The following GSE1 variants were observed in gnomAD, a reference collection of about 807,000 sequenced individuals.
GSE1 encodes the protein Gse1 coiled-coil protein.
GSE1 carries 32 observed loss-of-function variants against 112.6 expected under a neutral mutation model. The ratio of observed to expected loss-of-function variants is 0.28; its 90% CI spans 0.21 to 0.38. The LOEUF (loss-of-function observed/expected upper bound fraction) is 0.38, where lower values mean the gene tolerates loss of function less well. Ranked by LOEUF, GSE1 falls within the 10% of genes least tolerant of loss-of-function variation. The pLI is 1.00. For missense variants in GSE1, 2,348 were observed against 1,699.2 expected, an observed-to-expected ratio of 1.38 and a Z score of -6.71; for synonymous variants, 1,115 against 735.6, an observed-to-expected ratio of 1.52 and a Z score of -8.35.
chr16:85,487,406 G>A (rs959237602), intron 2 of GSE1, among the ~76,000 whole-genome samples: 6 of 152,116 alleles, frequency 3.9e-5, no homozygotes, highest in African/African-American at 7.2e-5. Flanking sequence ...CAGGCATGTC[G>A]AGGGCCTGAG....
chr16:85,655,978 C>G, intron 6 of GSE1, 61 bp downstream of exon 6: 1 of 1,389,952 alleles, frequency 7.2e-7, no homozygotes, highest in Non-Finnish European at 9.8e-7. Context: ...GGCAGCTGGG[C>G]AGAAAGCCTG....
chr16:85,270,153 A>G (rs1416480041), intron 1 of GSE1, among the ~76,000 whole-genome samples: 1 of 148,924 alleles, frequency 6.7e-6, no homozygotes, highest in Non-Finnish European at 1.5e-5. Context: ...AAGGGACTGG[A>G]CAGACGCTCA....
intron 1 of GSE1, among the ~76,000 whole-genome samples, chr16:85,186,635 G>A (rs978891165): frequency 6.6e-6 from 1 of 151,740 alleles, no homozygotes; most frequent in African/African-American, 2.4e-5. Context: ...AGCCGTGTGT[G>A]GTGGCGCATG....
intron 1 of GSE1, among the ~76,000 whole-genome samples, chr16:85,315,305 C>T (rs2045963999): frequency 6.6e-6 from 1 of 152,212 alleles, no homozygotes; most frequent in African/African-American, 2.4e-5. Flanking sequence ...TCCGGTCTCA[C>T]TTGCCCCTCC....
chr16:85,664,951 C>A, intron 11 of GSE1, 64 bp from the exon 12 acceptor site: 1 of 1,110,736 alleles, frequency 9.0e-7, no homozygotes, highest in Non-Finnish European at 1.4e-6. Context: ...GCTAGAATCC[C>A]GCTGTCCTTC....
rs187758575 is a variant in GSE1, at chr16:85,378,061, C to T, written c.2464+20418C>T. 3.7e-3 allele frequency among the ~76,000 whole-genome samples: 560 copies of T among 152,332 alleles called. 4 individuals carry two copies. Among genetic ancestry groups the T allele is most frequent in the African/African-American group, 0.012 (500 of 41,588 alleles). On this transcript the variant is annotated intron_variant, in intron 2 of 2. Coordinates refer to the GSE1 transcript ENST00000637419. ...TGGATTTTTCTGGGAATGGCAGCCA[C>T]GTCTCTTGGAGACAGACCCCCACCC...
Position 85,661,729 on chromosome 16 carries a change from C to T in GSE1, c.2224C>T (p.Leu742=). The stretch of plus-strand genomic sequence containing the variant: ...CCGGAGGCTGGTCAGCAAGCTGGAC[C>T]TGGAGGAGCGCAGGCGGCGGGAGGC... ...QRRRLVSKLD[L]EERRRREAQE... is the part of the protein sequence containing the mutation. The change falls in exon 9 of 16, where the codon CTG becomes TTG. Residue 742 remains leucine (L), a synonymous_variant. Coordinates refer to ENST00000253458, the MANE Select transcript of GSE1 (RefSeq NM_014615.5). The T allele has an allele frequency of 1.3e-6, 2 of 1,577,654 alleles. No individual in the cohort carries two copies. The highest frequency in any genetic ancestry group is 1.7e-6 in the Non-Finnish European group (2 of 1,160,838).
At chr16:85,241,090 G>C (rs567132119) in intron 1 of GSE1, among the ~76,000 whole-genome samples, 14 of 152,306 alleles carry the variant, frequency 9.2e-5, no homozygotes, top group African/African-American at 3.1e-4. Flanking sequence ...CCCGTGAAAC[G>C]AGCCTCCTTC....
At chr16:85,300,905 C>G (rs1172793548) in intron 1 of GSE1, among the ~76,000 whole-genome samples, 1 of 152,148 alleles carries the variant, frequency 6.6e-6, no homozygotes, top group East Asian at 1.9e-4. Flanking sequence ...TCCTGCCTCC[C>G]AGAATTTGGG....
At chr16:85,645,249 C>T (rs1380247035) in intron 2 of GSE1, among the ~76,000 whole-genome samples, 2 of 152,066 alleles carry the variant, frequency 1.3e-5, no homozygotes, top group African/African-American at 2.4e-5. Flanking sequence ...CCTCATTCCC[C>T]ACCTGGGCCA....
At chr16:85,632,782 C>T (rs557236272) in intron 1 of GSE1, among the ~76,000 whole-genome samples, 2 of 152,208 alleles carry the variant, frequency 1.3e-5, no homozygotes, top group African/African-American at 2.4e-5. Flanking sequence ...AGCGCCCCCC[C>T]GCCCCAAGAT....
At position 85,661,728 on chromosome 16, in the gene GSE1, C is replaced by T; in HGVS notation, c.2223C>T (p.Asp741=). 1 of 1,577,642 alleles carries T rather than the reference C, an allele frequency of 6.3e-7. No homozygotes were observed. The highest frequency in any genetic ancestry group is 8.6e-7 in the Non-Finnish European group (1 of 1,160,824). ...QQRRRLVSKL[D]LEERRRREAQ... Reference sequence around the variant, plus strand: ...GCCGGAGGCTGGTCAGCAAGCTGGACCTGGAGGAGCGCAGGCGGCGGGAGG... The same window carrying T: ...GCCGGAGGCTGGTCAGCAAGCTGGATCTGGAGGAGCGCAGGCGGCGGGAGG... Residue 741 remains aspartate (D), a synonymous_variant, in exon 9 of 16, where the codon GAC becomes GAT. Transcript: ENST00000253458.
At chr16:85,637,412 C>G (rs2050091000) in intron 2 of GSE1, among the ~76,000 whole-genome samples, 1 of 152,248 alleles carries the variant, frequency 6.6e-6, no homozygotes, top group South Asian at 2.1e-4. Flanking sequence ...CTGCTCCGTC[C>G]TGGAGTTGGA....
chr16:85,414,439 C>G (rs2048657722), intron 2 of GSE1, among the ~76,000 whole-genome samples: 1 of 152,212 alleles, frequency 6.6e-6, no homozygotes, highest in African/African-American at 2.4e-5. Flanking sequence ...ACCCACATCT[C>G]TCGCATTTTC....
chr16:85,181,750 G>A (rs568221335), intron 1 of GSE1, among the ~76,000 whole-genome samples: 8 of 152,306 alleles, frequency 5.3e-5, no homozygotes, highest in African/African-American at 1.9e-4. Flanking sequence ...GACACGACAG[G>A]ACTGGCCATG....
chr16:85,608,839 T>C (rs938366013), upstream of GSE1, among the ~76,000 whole-genome samples: 2 of 152,210 alleles, frequency 1.3e-5, no homozygotes, highest in African/African-American at 2.4e-5. Flanking sequence ...CTGATACTTA[T>C]TGGCGGATCC....
chr16:85,645,666 C>T (rs1567709979), intron 2 of GSE1, among the ~76,000 whole-genome samples: 2 of 152,252 alleles, frequency 1.3e-5, no homozygotes, highest in Admixed American at 6.5e-5. Flanking sequence ...TGAATGTGCG[C>T]GTGCCCACTC....
intron 2 of GSE1, among the ~76,000 whole-genome samples, chr16:85,476,719 C>A (rs1008990800): frequency 5.3e-5 from 8 of 151,976 alleles, no homozygotes; most frequent in Non-Finnish European, 1.0e-4. Flanking sequence ...GTCGATCTTC[C>A]CACCGCAGCC....
rs529086315 is a variant in GSE1 at position 85,486,675 on chromosome 16, C to T, written c.2464+129032C>T. Among the ~76,000 whole-genome samples the T allele has an allele frequency of 7.2e-5, 11 of 152,272 alleles. No individual in the cohort carries two copies. The East Asian group carries it at 9.7e-4, about 13-fold the overall frequency. ...CCTGCCCTGGCGAGGATGGTGGGAG[C>T]GCCGTCCCGCCCTCTCTCCTGCCGC... On this transcript the variant is annotated intron_variant, in intron 2 of 2. Coordinates refer to the GSE1 transcript ENST00000637419.
Sources: gnomAD v4.1 joint callset for allele counts (sites outside exome capture counted in the v4.1 genomes callset) on GRCh38, gnomAD v4.1.1 for gene constraint, MANE v1.5 for transcripts, NCBI Gene and HGNC (gene_info 2026-07-23, HGNC 2026-07-21) for gene names.